CEMIP2: variants seen among roughly 807,000 people sequenced by gnomAD.
The protein encoded by CEMIP2 is cell surface hyaluronidase CEMIP2.
Under a neutral mutation model 146.9 loss-of-function variants are expected in CEMIP2, and 79 were observed. The observed-to-expected ratio is 0.54, with a 90% CI of 0.45 to 0.65. The LOEUF is 0.65. Among genes scored for constraint, CEMIP2 ranks in the 30% least tolerant of loss-of-function variants. The pLI is 0.00. For missense variants in CEMIP2, 1,596 were observed against 1,696.2 expected, an observed-to-expected ratio of 0.94 and a Z score of 1.04; for synonymous variants, 601 against 606.3, an observed-to-expected ratio of 0.99 and a Z score of 0.13.
At chr9:71,694,878 T>C (rs922238976) in intron 20 of CEMIP2, among the ~76,000 whole-genome samples, 1 of 152,230 alleles carries the variant, frequency 6.6e-6, no homozygotes, top group Non-Finnish European at 1.5e-5. Context: ...ATGTGCTTTA[T>C]ATTTATATTT....
At chr9:71,703,975 C>A (rs1330150367) in intron 18 of CEMIP2, among the ~76,000 whole-genome samples, 1 of 152,214 alleles carries the variant, frequency 6.6e-6, no homozygotes, top group Non-Finnish European at 1.5e-5. Context: ...CTACTCTGAA[C>A]TCCTAGAAGG....
intron 19 of CEMIP2, among the ~76,000 whole-genome samples, chr9:71,700,329 T>C (rs994843291): frequency 1.3e-5 from 2 of 152,206 alleles, no homozygotes; most frequent in African/African-American, 4.8e-5. Flanking sequence ...ATGTAAATAA[T>C]CATATGAAGA....
chr9:71,765,672 T>C (rs994025353), intron 1 of CEMIP2, among the ~76,000 whole-genome samples: 3 of 152,208 alleles, frequency 2.0e-5, no homozygotes, highest in Non-Finnish European at 4.4e-5. Context: ...GAGCGTTCTG[T>C]GCGTAATTCT....
chr9:71,746,925 C>T (rs1467169821), intron 2 of CEMIP2, among the ~76,000 whole-genome samples: 1 of 152,156 alleles, frequency 6.6e-6, no homozygotes, highest in Non-Finnish European at 1.5e-5. Flanking sequence ...CATAACTTCT[C>T]ATTTTCAGAG....
chr9:71,698,090 A>G lies in CEMIP2; in HGVS notation c.3492T>C (p.Ser1164=). ...GTGGGTATGCTTTGGCCATGCAGTT[A>G]CTGATGTCCTTTGAGTCTGTGGCTG... The part of the protein sequence containing the change: ...IQAATDSKDI[S]NCMAKAYPQY... The change falls in exon 20 of 24, where the codon AGT becomes AGC. Residue 1164 remains serine, a synonymous_variant. Transcript: ENST00000377044. 6.2e-7 allele frequency: 1 copy of G among 1,614,064 alleles called. No individual in the cohort carries two copies. The highest frequency in any genetic ancestry group is 1.1e-5 in the South Asian group (1 of 91,066).
rs559463617 is a variant in CEMIP2, at chr9:71,723,035, G to A, written c.2179-520C>T. Among the ~76,000 whole-genome samples the A allele has an allele frequency of 1.8e-4, 27 of 151,628 alleles. 2 individuals are homozygous for A. Among genetic ancestry groups the A allele is most frequent in the African/African-American group, 4.1e-4 (17 of 41,354 alleles). ...GCAAAAGAATGGATTGGTGGTGCAG[G>A]GGAGGAGGTGGGAGGAAGGAGCTGA... On this transcript the variant is annotated intron_variant, in intron 11 of 23. Coordinates refer to ENST00000377044, the MANE Select transcript of CEMIP2 (RefSeq NM_013390.3).
chr9:71,688,616 G>A (rs1177524418), intron 22 of CEMIP2, among the ~76,000 whole-genome samples: 3 of 151,914 alleles, frequency 2.0e-5, no homozygotes, highest in African/African-American at 7.3e-5. Context: ...TCGAACTCCT[G>A]ACCTCAGGTG....
At chr9:71,718,258 C>T (rs975908568) in intron 12 of CEMIP2, among the ~76,000 whole-genome samples, 179 bp from the exon 13 acceptor site, 4 of 152,126 alleles carry the variant, frequency 2.6e-5, no homozygotes, top group Non-Finnish European at 5.9e-5. Context: ...TATTTAACCA[C>T]AAGTTTCCAG....
At position 71,715,001 on chromosome 9, in the gene CEMIP2, C is replaced by T. The variant is rs1307119747; in HGVS notation, c.2524G>A (p.Gly842Ser). Residue 842 changes from glycine to serine, a missense_variant, in exon 15 of 24, where the codon GGT becomes AGT. Gly to Ser is a moderately conservative substitution (Grantham distance 56, BLOSUM62 0). Coordinates refer to ENST00000377044, the MANE Select transcript of CEMIP2 (RefSeq NM_013390.3). ...GTGCCTACATACTTGTTCTGACCAC[C>T]CTGAAAGCCGTAATTCCTGCTCTCC... Reference protein sequence around the residue: ...VGESRNYGFQGGQNKYVGTGG... With the variant: ...VGESRNYGFQSGQNKYVGTGG... The T allele has an allele frequency of 6.2e-7, 1 of 1,613,982 alleles. No individual in the cohort carries two copies. Among genetic ancestry groups the T allele is most frequent in the Non-Finnish European group, 8.5e-7 (1 of 1,179,948 alleles).
rs980775938 is a variant in CEMIP2, at chr9:71,703,122, A to C, written c.3194+1473T>G. Among the ~76,000 whole-genome samples, 12 of 152,340 alleles carry C rather than the reference A, an allele frequency of 7.9e-5. 1 individual carries two copies. Among genetic ancestry groups the C allele is most frequent in the East Asian group, 3.9e-4 (2 of 5,186 alleles). The stretch of plus-strand genomic sequence containing the variant: ...CTAAGGATTGGAGGTGGGGAGACTG[A>C]AGTGGGGACTGCTCCACGGAGCCAG... On this transcript the variant is annotated intron_variant, in intron 18 of 23. Transcript: ENST00000377044.
At chr9:71,691,160 G>C (rs1342803857) in intron 21 of CEMIP2, among the ~76,000 whole-genome samples, 1 of 152,142 alleles carries the variant, frequency 6.6e-6, no homozygotes, top group Non-Finnish European at 1.5e-5. Context: ...AGGTGTGGTG[G>C]CTTACGCCTG....
intron 21 of CEMIP2, among the ~76,000 whole-genome samples, chr9:71,693,896 A>G (rs1822305821): frequency 6.6e-6 from 1 of 152,202 alleles, no homozygotes; most frequent in African/African-American, 2.4e-5. Context: ...AGTGATCAGG[A>G]CACAACAGTG....
At chr9:71,744,961 C>A in intron 4 of CEMIP2, 57 bp downstream of exon 4, 1 of 1,538,516 alleles carries the variant, frequency 6.5e-7, no homozygotes, top group Non-Finnish European at 8.7e-7. Context: ...CCCACCCTCA[C>A]TCTCCTCTCA....
chr9:71,747,167 A>AG (rs1262463111), intron 2 of CEMIP2, among the ~76,000 whole-genome samples: 3 of 152,176 alleles, frequency 2.0e-5, no homozygotes, highest in African/African-American at 4.8e-5. Flanking sequence ...TGAAGAGGGG[A>AG]GAAAAAAAAT....
rs373840124 is a variant in CEMIP2, at chr9:71,738,813, G to A, written c.1204+1250C>T. On this transcript the variant is annotated intron_variant, in intron 5 of 23. Coordinates refer to ENST00000377044, the MANE Select transcript of CEMIP2 (RefSeq NM_013390.3). ...GATCAGGCCACTGCACTCCAGCCTGGGCAACAGAGTGAGACTCCGTCTCAA... is the reference window on the plus strand; with the variant it reads ...GATCAGGCCACTGCACTCCAGCCTGAGCAACAGAGTGAGACTCCGTCTCAA... Among the ~76,000 whole-genome samples the A allele has an allele frequency of 3.1e-3, 470 of 151,910 alleles. 3 individuals are homozygous for A. The highest frequency in any genetic ancestry group is 0.011 in the African/African-American group (456 of 41,456).
At chr9:71,747,018 T>C (rs1369254582) in intron 2 of CEMIP2, among the ~76,000 whole-genome samples, 2 of 152,202 alleles carry the variant, frequency 1.3e-5, no homozygotes, top group African/African-American at 4.8e-5. Context: ...GAAAATGAGA[T>C]TATTGACTTG....
intron 5 of CEMIP2, among the ~76,000 whole-genome samples, chr9:71,736,085 T>A (rs1564017360): frequency 6.6e-6 from 1 of 152,056 alleles, no homozygotes; most frequent in Non-Finnish European, 1.5e-5. Context: ...CAAAGCAAGA[T>A]CCTCTCTCAA....
chr9:71,769,079 C>A (rs1000282173), upstream of CEMIP2, among the ~76,000 whole-genome samples: 2 of 152,134 alleles, frequency 1.3e-5, no homozygotes, highest in Admixed American at 6.5e-5. Flanking sequence ...AGCGCACTGC[C>A]GGCGGGGCAG....
chr9:71,700,523 T>C, intron 19 of CEMIP2, 119 bp downstream of exon 19: 1 of 972,794 alleles, frequency 1.0e-6, no homozygotes, highest in Non-Finnish European at 1.5e-6. Flanking sequence ...ATAGAGAAGA[T>C]GTGCAGAGAA....
Sources: allele counts gnomAD v4.1 joint callset (sites outside exome capture counted in the v4.1 genomes callset), GRCh38; gene constraint gnomAD v4.1.1; transcripts MANE v1.5; gene names NCBI Gene and HGNC (gene_info 2026-07-23, HGNC 2026-07-21).